The following HTR7 variants were observed in gnomAD, a reference collection of about 807,000 sequenced individuals.
The protein encoded by HTR7 is 5-hydroxytryptamine receptor 7.
A neutral mutation model predicts 34.0 loss-of-function variants in HTR7; 16 were observed. The ratio of observed to expected loss-of-function variants is 0.47; its 90% CI spans 0.32 to 0.71. The LOEUF (loss-of-function observed/expected upper bound fraction) is 0.71, where lower values mean the gene tolerates loss of function less well. HTR7 is among the 30% of genes least tolerant of loss of function. HTR7 has a pLI of 0.04. For missense variants in HTR7, 504 were observed against 625.5 expected, an observed-to-expected ratio of 0.81 and a Z score of 2.07; for synonymous variants, 265 against 260.2, an observed-to-expected ratio of 1.02 and a Z score of -0.18.
intron 1 of HTR7, among the ~76,000 whole-genome samples, chr10:90,843,130 C>CT (rs985867670): frequency 1.3e-5 from 2 of 151,902 alleles, no homozygotes; most frequent in Admixed American, 6.6e-5. Context: ...TCCTTCCCTC[C>CT]TTTTTTTTCC....
chr10:90,796,532 T>C (rs955190528), intron 1 of HTR7, among the ~76,000 whole-genome samples: 2 of 152,172 alleles, frequency 1.3e-5, no homozygotes, highest in Non-Finnish European at 2.9e-5. Flanking sequence ...CAGAACACCC[T>C]GAGCAATATA....
At chr10:90,838,662 A>G (rs150639917) in intron 1 of HTR7, among the ~76,000 whole-genome samples, 93 of 152,148 alleles carry the variant, frequency 6.1e-4, no homozygotes, top group African/African-American at 2.2e-3. Context: ...CTCTAATCTC[A>G]TCTCCTTCCA....
intron 1 of HTR7, among the ~76,000 whole-genome samples, chr10:90,782,304 G>A (rs113985558): frequency 0.017 from 2,609 of 152,172 alleles, 86 homozygotes; most frequent in African/African-American, 0.058. Flanking sequence ...ATTGACCCCC[G>A]CTAAGGCTTA....
rs1171317943 is a variant in HTR7 at position 90,857,079 on chromosome 10, G to A, written c.539+54C>T. On this transcript the variant is annotated intron_variant, in intron 1 of 3. Transcript: ENST00000336152. This position sits in a 1 kb window ranked among gnomAD's most constrained non-coding sequence, Gnocchi z 6.5. Reference sequence around the variant, plus strand: ...CCAGGAAAGGCGAGCGCGCGGGGCTGAGCTGCCAGCCGGTCCCCAGCCGGA... The same window carrying A: ...CCAGGAAAGGCGAGCGCGCGGGGCTAAGCTGCCAGCCGGTCCCCAGCCGGA... 5 of 1,467,836 alleles carry A rather than the reference G, an allele frequency of 3.4e-6. No homozygotes were observed. In the East Asian group the frequency reaches 1.2e-4, roughly 36 times the overall value. The allele number at this position is 1,467,836 out of a possible 1,614,324, so 90.9% of individuals were successfully genotyped here. A position where few individuals can be genotyped will look rare whatever the true frequency, so the allele number is the denominator to read the frequency against.
At chr10:90,758,933 A>G (rs1387867714) in intron 1 of HTR7, among the ~76,000 whole-genome samples, 1 of 152,194 alleles carries the variant, frequency 6.6e-6, no homozygotes, top group African/African-American at 2.4e-5. Context: ...CATGCCTGTA[A>G]TCCCAGCACT....
chr10:90,749,692 C>A lies in HTR7; in HGVS notation c.540-98G>T, dbSNP rs577507509. ...CAGGTACCAGCGCCAGTCCTCGCAA[C>A]AGCCCTTCTAGGTAGGCATCATTAC... On this transcript the variant is annotated intron_variant, in intron 1 of 3. Coordinates refer to ENST00000336152, the MANE Select transcript of HTR7 (RefSeq NM_019859.4). The surrounding 1 kb of genome is among the most constrained non-coding windows in gnomAD (Gnocchi z 4.2). The A allele has an allele frequency of 7.1e-6, 8 of 1,133,588 alleles. No homozygotes were observed. In the African/African-American group the frequency reaches 1.1e-4, roughly 15 times the overall value. The allele number at this position is 1,133,588 out of a possible 1,614,324, so 70.2% of individuals were successfully genotyped here.
chr10:90,817,731 C>T (rs1348548239), intron 1 of HTR7, among the ~76,000 whole-genome samples: 1 of 152,204 alleles, frequency 6.6e-6, no homozygotes. Flanking sequence ...GCCTTAATCA[C>T]TCATTTCGGT....
intron 1 of HTR7, among the ~76,000 whole-genome samples, chr10:90,826,048 T>G (rs545525077): frequency 6.6e-6 from 1 of 152,028 alleles, no homozygotes; most frequent in South Asian, 2.1e-4. Flanking sequence ...GAAGACTACA[T>G]CAAAGCATTT....
intron 1 of HTR7, among the ~76,000 whole-genome samples, chr10:90,812,953 G>T (rs1845838934): frequency 6.6e-6 from 1 of 152,120 alleles, no homozygotes; most frequent in African/African-American, 2.4e-5. Flanking sequence ...CACCACAAAA[G>T]AAGTGAAAAT....
chr10:90,775,041 G>T (rs536605802), intron 1 of HTR7, among the ~76,000 whole-genome samples: 6 of 152,200 alleles, frequency 3.9e-5, no homozygotes, highest in East Asian at 1.9e-4. Flanking sequence ...GAGATATGCC[G>T]TTGGGTAGAA....
intron 1 of HTR7, among the ~76,000 whole-genome samples, chr10:90,759,045 G>T (rs968027314): frequency 6.6e-6 from 1 of 151,982 alleles, no homozygotes; most frequent in Non-Finnish European, 1.5e-5. Flanking sequence ...AAATTAGCTG[G>T]GCGTGGTGGC....
intron 1 of HTR7, among the ~76,000 whole-genome samples, chr10:90,792,267 T>C (rs116754544): frequency 0.016 from 2,389 of 152,222 alleles, 76 homozygotes; most frequent in African/African-American, 0.054. Flanking sequence ...TTTATAGTTC[T>C]AAAGCCTTCA....
chr10:90,848,905 G>C (rs1053591392), intron 1 of HTR7, among the ~76,000 whole-genome samples: 9 of 152,190 alleles, frequency 5.9e-5, no homozygotes, highest in Non-Finnish European at 5.9e-5. Flanking sequence ...TTTGAAATCA[G>C]AAACTCTTGG....
chr10:90,796,689 G>A (rs148505668), intron 1 of HTR7, among the ~76,000 whole-genome samples: 362 of 152,238 alleles, frequency 2.4e-3, no homozygotes, highest in Non-Finnish European at 3.8e-3. Context: ...TCCAGCCTGC[G>A]TGACACAGCA....
chr10:90,803,018 T>TG (rs1845653451), intron 1 of HTR7, among the ~76,000 whole-genome samples: 2 of 146,732 alleles, frequency 1.4e-5, no homozygotes, highest in Admixed American at 6.8e-5. Flanking sequence ...TTTTTTTTTT[T>TG]GCTGTCTTTG....
intron 1 of HTR7, among the ~76,000 whole-genome samples, chr10:90,855,346 C>CA (rs1262714799): frequency 2.0e-5 from 3 of 152,176 alleles, no homozygotes; most frequent in Admixed American, 1.3e-4. Context: ...ATAGGAATCA[C>CA]AAGGTGATCT....
At chr10:90,822,808 C>A (rs1846006468) in intron 1 of HTR7, among the ~76,000 whole-genome samples, 1 of 152,206 alleles carries the variant, frequency 6.6e-6, no homozygotes, top group Non-Finnish European at 1.5e-5. Flanking sequence ...AGACATGTCA[C>A]CTGGTGTCCT....
chr10:90,814,825 C>A (rs983918559), intron 1 of HTR7, among the ~76,000 whole-genome samples: 1 of 152,072 alleles, frequency 6.6e-6, no homozygotes, highest in African/African-American at 2.4e-5. Flanking sequence ...CCTTTTTATT[C>A]CCTTTACCCT....
chr10:90,828,645 A>T (rs964906630), intron 1 of HTR7, among the ~76,000 whole-genome samples: 1 of 152,194 alleles, frequency 6.6e-6, no homozygotes, highest in Non-Finnish European at 1.5e-5. Context: ...TGAACCATAA[A>T]GAAATCCAAA....
Sources: gnomAD v4.1 joint callset for allele counts (sites outside exome capture counted in the v4.1 genomes callset) on GRCh38, gnomAD v4.1.1 for gene constraint, Gnocchi (gnomAD v3.1) non-coding constraint, MANE v1.5 for transcripts, NCBI Gene and HGNC (gene_info 2026-07-23, HGNC 2026-07-21) for gene names.